Variants in CELF2 observed in about 807,000 individuals in gnomAD.
CELF2 encodes CUG triplet repeat RNA-binding protein 2.
In CELF2, 8 loss-of-function variants were observed where a neutral mutation model predicts 62.6. That is an observed-to-expected ratio of 0.13 (90% confidence interval 0.07 to 0.23). CELF2 has a LOEUF of 0.23. CELF2 is among the 10% of genes least tolerant of loss of function. The pLI, the probability that CELF2 is intolerant of heterozygous loss-of-function variation, is 1.00. For synonymous variants in CELF2, 258 were observed against 250.0 expected (o/e 1.03, Z -0.30); for missense variants, 333 against 671.0 (o/e 0.50, Z 5.56).
At chr10:10,866,607 CAAAA>C (rs55875778) in intron 1 of CELF2, among the ~76,000 whole-genome samples, 11 of 52,494 alleles carry the variant, frequency 2.1e-4, no homozygotes, top group Admixed American at 4.9e-4. Context: ...TCCATCCTCT[CAAAA>C]AAAAAAAAAA....
At chr10:10,859,104 A>G (rs1349959999) in intron 1 of CELF2, among the ~76,000 whole-genome samples, 4 of 151,418 alleles carry the variant, frequency 2.6e-5, no homozygotes, top group Admixed American at 2.6e-4. Context: ...ATTCGTATTA[A>G]TGATTTTTGG....
the CELF2 span, among the ~76,000 whole-genome samples, chr10:10,630,550 C>G: frequency 6.6e-6 from 1 of 152,078 alleles, no homozygotes; most frequent in Non-Finnish European, 1.5e-5. Context: ...CAGTTGAAAC[C>G]AGACCCACTG....
the CELF2 span, among the ~76,000 whole-genome samples, chr10:10,619,219 G>A: frequency 6.6e-6 from 1 of 152,208 alleles, no homozygotes; most frequent in South Asian, 2.1e-4. Context: ...AAAAAGAAAT[G>A]ATTTGTGGGC....
At chr10:11,169,489 C>A (rs141773778) in intron 2 of CELF2, among the ~76,000 whole-genome samples, 1 of 152,058 alleles carries the variant, frequency 6.6e-6, no homozygotes, top group Non-Finnish European at 1.5e-5. Context: ...CATGCAGGTG[C>A]GGAAGTGCAG....
chr10:10,531,471 A>T, the CELF2 span, among the ~76,000 whole-genome samples: 1 of 152,172 alleles, frequency 6.6e-6, no homozygotes, highest in Non-Finnish European at 1.5e-5. Context: ...CTATGAAGGG[A>T]AAATAATGTT....
chr10:11,181,777 G>A (rs927211127), intron 2 of CELF2, among the ~76,000 whole-genome samples: 1 of 152,210 alleles, frequency 6.6e-6, no homozygotes, highest in Non-Finnish European at 1.5e-5. Context: ...GGACCTCATC[G>A]AACTTAGTAC....
chr10:11,047,126 G>A (rs2062999577), intron 1 of CELF2, among the ~76,000 whole-genome samples: 1 of 152,144 alleles, frequency 6.6e-6, no homozygotes, highest in African/African-American at 2.4e-5. Context: ...CATGAAAACA[G>A]ATAAAAACAA....
At chr10:10,910,120 C>T (rs1410105600) in intron 1 of CELF2, among the ~76,000 whole-genome samples, 1 of 152,124 alleles carries the variant, frequency 6.6e-6, no homozygotes, top group African/African-American at 2.4e-5. Flanking sequence ...TATTATGTCC[C>T]TGGGAACTAA....
the CELF2 span, among the ~76,000 whole-genome samples, chr10:10,601,856 C>A: frequency 2.7e-4 from 41 of 152,014 alleles, no homozygotes; most frequent in Non-Finnish European, 1.5e-5. Flanking sequence ...AGCCCAGCAT[C>A]CATTAGCTAT....
chr10:10,654,898 G>T, the CELF2 span, among the ~76,000 whole-genome samples: 1 of 149,188 alleles, frequency 6.7e-6, no homozygotes, highest in Non-Finnish European at 1.5e-5. Context: ...GAAATAAAGG[G>T]TATTCAATTA....
intron 1 of CELF2, among the ~76,000 whole-genome samples, chr10:10,873,591 A>C (rs903814368): frequency 1.2e-4 from 19 of 152,186 alleles, no homozygotes; most frequent in Non-Finnish European, 1.9e-4. Flanking sequence ...CCTCCTACCA[A>C]GGCTCTCCTA....
chr10:10,613,630 T>C, the CELF2 span, among the ~76,000 whole-genome samples: 3 of 152,216 alleles, frequency 2.0e-5, no homozygotes, highest in Non-Finnish European at 4.4e-5. Context: ...TACAATTAAC[T>C]TCCTCTCAAA....
rs1035421119 is a variant in CELF2, at chr10:10,991,021, GT to G, written c.89+71029del. On this transcript the variant is annotated intron_variant, in intron 2 of 13. Coordinates refer to the CELF2 transcript ENST00000636488. ...CGTGTGTGTTGTTTTGTTTGTGTGA[GT>G]TTTTTTCCCCCCATAAAGTATTCCT... 8.4e-4 allele frequency among the ~76,000 whole-genome samples: 128 copies of G among 152,026 alleles called. 2 individuals are homozygous for G. Among genetic ancestry groups the G allele is most frequent in the Non-Finnish European group, 1.6e-3 (106 of 67,936 alleles).
At chr10:10,694,134 C>G in the CELF2 span, among the ~76,000 whole-genome samples, 2 of 151,200 alleles carry the variant, frequency 1.3e-5, no homozygotes, top group East Asian at 3.9e-4. Context: ...TTCCTGCTTT[C>G]TCTTGTGGGC....
intron 1 of CELF2, among the ~76,000 whole-genome samples, chr10:10,804,861 G>T (rs1239072848): frequency 1.3e-5 from 2 of 152,278 alleles, no homozygotes; most frequent in East Asian, 3.9e-4. Context: ...ATGCATCCCA[G>T]ATTCACAGAG....
At chr10:10,589,449 G>A in the CELF2 span, among the ~76,000 whole-genome samples, 1 of 152,210 alleles carries the variant, frequency 6.6e-6, no homozygotes, top group Admixed American at 6.5e-5. Context: ...TAGTTTTTCA[G>A]GTTAACTTTG....
chr10:10,687,842 G>T, the CELF2 span, among the ~76,000 whole-genome samples: 1 of 152,156 alleles, frequency 6.6e-6, no homozygotes, highest in Non-Finnish European at 1.5e-5. Context: ...GCTACCTGAG[G>T]CATGAGAAAG....
At position 11,018,009 on chromosome 10, in the gene CELF2, C is replaced by T. The variant is rs1444726127; in HGVS notation, c.-81C>T. ...CGGGGGAGGCCGCGCGCACCTGTCC[C>T]TGCCCGTCTCGCGCCGCCCGCGGCC... is the stretch of plus-strand genomic sequence containing the variant. On this transcript the variant is annotated 5_prime_UTR_variant, in exon 1 of 13. Coordinates refer to ENST00000633077, the MANE Select transcript of CELF2 (RefSeq NM_001326342.2). 3 of 1,052,308 alleles carry T rather than the reference C, an allele frequency of 2.9e-6. No individual in the cohort carries two copies. Among genetic ancestry groups the T allele is most frequent in the Non-Finnish European group, 3.4e-6 (3 of 877,640 alleles). 65.2% of individuals were successfully genotyped at this position (1,052,308 alleles called of 1,614,324 possible). A position where few individuals can be genotyped will look rare whatever the true frequency, so the allele number is the denominator to read the frequency against.
intron 1 of CELF2, among the ~76,000 whole-genome samples, chr10:11,151,196 C>T (rs1231915489): frequency 1.3e-5 from 2 of 152,158 alleles, no homozygotes; most frequent in East Asian, 1.9e-4. Flanking sequence ...CCTCCGGTCC[C>T]GTAGTCCAAA....
Sources: gnomAD v4.1 joint callset for allele counts (sites outside exome capture counted in the v4.1 genomes callset) on GRCh38, gnomAD v4.1.1 for gene constraint, MANE v1.5 for transcripts, NCBI Gene and HGNC (gene_info 2026-07-23, HGNC 2026-07-21) for gene names.